The following RAB6A variants were observed in gnomAD, a reference collection of about 807,000 sequenced individuals.
RAB6A encodes the protein ras-related protein Rab-6A.
Under a neutral mutation model 32.3 loss-of-function variants are expected in RAB6A, and 8 were observed. The observed-to-expected ratio is 0.25, with a 90% CI of 0.15 to 0.45. RAB6A has a LOEUF of 0.45. Ranked by LOEUF, RAB6A falls within the 20% of genes least tolerant of loss-of-function variation. RAB6A has a pLI of 1.00. For synonymous variants in RAB6A, 73 were observed against 82.1 expected (o/e 0.89, Z 0.60); for missense variants, 104 against 249.4 (o/e 0.42, Z 3.93).
intron 1 of RAB6A, among the ~76,000 whole-genome samples, chr11:73,756,915 T>C (rs1361779506): frequency 6.6e-6 from 1 of 151,632 alleles, no homozygotes; most frequent in Non-Finnish European, 1.5e-5. Flanking sequence ...CTCAGGTGAT[T>C]TGCCTGCCTC....
intron 1 of RAB6A, among the ~76,000 whole-genome samples, chr11:73,735,173 T>G (rs1213094176): frequency 6.6e-6 from 1 of 152,194 alleles, no homozygotes; most frequent in African/African-American, 2.4e-5. Context: ...ACTCTTGCAA[T>G]TCTGTGAAGG....
rs1432200246 is a variant in RAB6A, at chr11:73,676,528, T to C, written c.*1370A>G. ...AATAAATATCACCAAAGAAAAAAGA[T>C]TAATTGTAGCTTAAATATAAAACTA... On this transcript the variant is annotated 3_prime_UTR_variant, in exon 8 of 8. Coordinates refer to ENST00000336083, the MANE Select transcript of RAB6A (RefSeq NM_198896.2). The C allele has an allele frequency of 6.1e-6, 1 of 163,660 alleles. No homozygotes were observed. The highest frequency in any genetic ancestry group is 2.4e-5 in the African/African-American group (1 of 40,824). The allele number at this position is 163,660 out of a possible 1,614,324, so 10.1% of individuals were successfully genotyped here.
chr11:73,683,277 A>C (rs1372544071), intron 6 of RAB6A, among the ~76,000 whole-genome samples: 6 of 111,162 alleles, frequency 5.4e-5, no homozygotes, highest in Admixed American at 3.5e-4. Flanking sequence ...TTTTTTGGAG[A>C]TATGGTCTTG....
At chr11:73,746,261 TTCA>T (rs1396847468) in intron 1 of RAB6A, among the ~76,000 whole-genome samples, 1 of 152,142 alleles carries the variant, frequency 6.6e-6, no homozygotes, top group African/African-American at 2.4e-5. Flanking sequence ...AATGAGAATA[TTCA>T]TCAATTTTTC....
chr11:73,733,498 G>A lies in RAB6A; in HGVS notation c.71-2675C>T, dbSNP rs566556147. Among the ~76,000 whole-genome samples the A allele has an allele frequency of 4.0e-5, 6 of 151,492 alleles. No homozygotes were observed. The East Asian group carries it at 7.8e-4, about 20-fold the overall frequency. On this transcript the variant is annotated intron_variant, in intron 1 of 7. Transcript: ENST00000336083. The stretch of plus-strand genomic sequence containing the variant: ...CAGGAGGTGGAGGTTACAGTGAGCC[G>A]AGATCATGCCACTGCACTCCAGCCT...
intron 6 of RAB6A, among the ~76,000 whole-genome samples, chr11:73,700,603 T>G (rs889792095): frequency 7.1e-3 from 28 of 3,924 alleles, no homozygotes; most frequent in Non-Finnish European, 8.4e-3. Context: ...AAAAAAAGTG[T>G]GTGTGTGGGG....
chr11:73,759,002 C>A (rs1339509009), intron 1 of RAB6A, among the ~76,000 whole-genome samples: 1 of 152,080 alleles, frequency 6.6e-6, no homozygotes, highest in Non-Finnish European at 1.5e-5. Context: ...ATAATCTACA[C>A]ATGAAAGGAG....
At chr11:73,714,229 T>TACAC (rs1555059837) in intron 5 of RAB6A, among the ~76,000 whole-genome samples, 93 of 117,514 alleles carry the variant, frequency 7.9e-4, no homozygotes, top group East Asian at 1.7e-3. Flanking sequence ...TATATATATA[T>TACAC]ACACACATAT....
intron 5 of RAB6A, among the ~76,000 whole-genome samples, chr11:73,713,818 A>T (rs957118038): frequency 6.6e-6 from 1 of 152,208 alleles, no homozygotes; most frequent in Non-Finnish European, 1.5e-5. Context: ...TTGAGAGATG[A>T]TAGTCTGGCA....
chr11:73,742,277 G>A (rs1333981901), intron 1 of RAB6A, among the ~76,000 whole-genome samples: 1 of 151,894 alleles, frequency 6.6e-6, no homozygotes, highest in Non-Finnish European at 1.5e-5. Flanking sequence ...GCGAGACTCT[G>A]TCTCAAAAAT....
At chr11:73,715,776 C>T (rs1946042468) in intron 5 of RAB6A, among the ~76,000 whole-genome samples, 1 of 152,154 alleles carries the variant, frequency 6.6e-6, no homozygotes. Flanking sequence ...TTCAGTGCAA[C>T]TACACAGTCT....
At position 73,739,280 on chromosome 11, in the gene RAB6A, AAAAAAT is replaced by A. The variant is rs1479219315; in HGVS notation, c.71-8463_71-8458del. Among the ~76,000 whole-genome samples, 11 of 18,430 alleles carry A rather than the reference AAAAAAT, an allele frequency of 6.0e-4. 2 individuals are homozygous for A. The highest frequency in any genetic ancestry group is 1.9e-3 in the Admixed American group (2 of 1,054). 12.1% of individuals were successfully genotyped at this position (18,430 alleles called of 152,430 possible). ...ATAATAATTAAAAAAAAAAAAAAAA[AAAAAAT>A]ATATATATATATATATATAAATACT... On this transcript the variant is annotated intron_variant, in intron 1 of 7. Transcript: ENST00000336083.
At chr11:73,709,480 TCGTGG>T (rs1184052804) in intron 5 of RAB6A, among the ~76,000 whole-genome samples, 2 of 146,118 alleles carry the variant, frequency 1.4e-5, no homozygotes, top group African/African-American at 2.5e-5. Context: ...TTATTATGAC[TCGTGG>T]ATTTAAACAT....
At chr11:73,702,315 C>CA (rs1036908932) in intron 6 of RAB6A, among the ~76,000 whole-genome samples, 14 of 152,130 alleles carry the variant, frequency 9.2e-5, no homozygotes, top group African/African-American at 3.1e-4. Flanking sequence ...TGCATGCCAC[C>CA]ATGCTCAGCT....
At chr11:73,735,003 T>A (rs555501915) in intron 1 of RAB6A, among the ~76,000 whole-genome samples, 2 of 152,328 alleles carry the variant, frequency 1.3e-5, no homozygotes, top group South Asian at 4.1e-4. Context: ...AAATATAAAA[T>A]TTTGATGCAT....
chr11:73,680,441 G>A (rs1197377795), intron 6 of RAB6A, among the ~76,000 whole-genome samples: 1 of 151,652 alleles, frequency 6.6e-6, no homozygotes, highest in Non-Finnish European at 1.5e-5. Flanking sequence ...TGGATCACGA[G>A]GTCAGGAGTT....
chr11:73,708,568 G>A (rs1429414747), intron 5 of RAB6A, among the ~76,000 whole-genome samples: 2 of 152,132 alleles, frequency 1.3e-5, no homozygotes, highest in Non-Finnish European at 2.9e-5. Flanking sequence ...CCTTTACAGG[G>A]TATTTTGTGA....
intron 1 of RAB6A, among the ~76,000 whole-genome samples, chr11:73,753,363 A>AT (rs1946696714): frequency 6.6e-6 from 1 of 151,852 alleles, no homozygotes; most frequent in African/African-American, 2.4e-5. Flanking sequence ...TGCCCAGCTA[A>AT]TTTTTTGTAT....
intron 5 of RAB6A, among the ~76,000 whole-genome samples, chr11:73,712,482 C>T (rs950332885): frequency 1.3e-5 from 2 of 152,056 alleles, no homozygotes; most frequent in Non-Finnish European, 2.9e-5. Flanking sequence ...TCCTGAGGAG[C>T]TGGGATTACA....
Sources: gnomAD v4.1 joint callset for allele counts (sites outside exome capture counted in the v4.1 genomes callset) on GRCh38, gnomAD v4.1.1 for gene constraint, MANE v1.5 for transcripts, NCBI Gene and HGNC (gene_info 2026-07-23, HGNC 2026-07-21) for gene names.